MIPEP: variants seen among roughly 807,000 people sequenced by gnomAD.
MIPEP encodes the protein mitochondrial intermediate peptidase.
A neutral mutation model predicts 90.3 loss-of-function variants in MIPEP; 79 were observed. The ratio of observed to expected loss-of-function variants is 0.87; its 90% CI spans 0.73 to 1.05. The LOEUF (loss-of-function observed/expected upper bound fraction) is 1.05. Among genes scored for constraint, MIPEP ranks in the 50% least tolerant of loss-of-function variants. The probability of loss-of-function intolerance (pLI) is 0.00; values close to 1 mark genes in which losing one functional copy is unlikely to be tolerated. For missense variants in MIPEP, 940 were observed against 905.6 expected (o/e 1.04, Z -0.49); for synonymous variants, 334 against 315.8 (o/e 1.06, Z -0.61).
intron 14 of MIPEP, among the ~76,000 whole-genome samples, chr13:23,822,137 T>C (rs1479592712): frequency 6.6e-6 from 1 of 152,164 alleles, no homozygotes; most frequent in Non-Finnish European, 1.5e-5. Context: ...TCGTGGGTGG[T>C]TTTTTAAAAT....
chr13:23,748,266 G>A (rs1165728570), intron 18 of MIPEP, among the ~76,000 whole-genome samples: 1 of 152,166 alleles, frequency 6.6e-6, no homozygotes, highest in South Asian at 2.1e-4. Context: ...TTTGGTATTC[G>A]TGTATTCACT....
At chr13:23,888,782 T>C (rs1871643689) in intron 1 of MIPEP, 4 of 1,060,006 alleles carry the variant, frequency 3.8e-6, no homozygotes, top group Admixed American at 1.1e-4. Flanking sequence ...GCGCTGGAGC[T>C]AAAGGGCTTT....
At chr13:23,869,818 TG>T (rs1870705054) in intron 6 of MIPEP, among the ~76,000 whole-genome samples, 194 bp downstream of exon 6, 1 of 152,250 alleles carries the variant, frequency 6.6e-6, no homozygotes, top group Middle Eastern at 3.2e-3. Flanking sequence ...GAGTCTTGTA[TG>T]AAATATAAGT....
At chr13:23,880,924 T>C (rs1257787507) in intron 3 of MIPEP, among the ~76,000 whole-genome samples, 1 of 152,176 alleles carries the variant, frequency 6.6e-6, no homozygotes, top group Admixed American at 6.5e-5. Context: ...TTCCCTGTTG[T>C]AAATCCACGC....
At chr13:23,745,829 C>T (rs1317201448) in intron 18 of MIPEP, among the ~76,000 whole-genome samples, 1 of 151,510 alleles carries the variant, frequency 6.6e-6, no homozygotes, top group African/African-American at 2.4e-5. Context: ...AGTCAGGAGG[C>T]TGAGGCAGGA....
intron 16 of MIPEP, among the ~76,000 whole-genome samples, chr13:23,798,452 TC>T (rs1952989187): frequency 6.6e-6 from 1 of 152,156 alleles, no homozygotes; most frequent in Admixed American, 6.5e-5. Context: ...TCTGATTATG[TC>T]CCCAATAAGT....
intron 16 of MIPEP, among the ~76,000 whole-genome samples, chr13:23,780,991 A>G (rs1952776534): frequency 6.6e-6 from 1 of 152,220 alleles, no homozygotes; most frequent in South Asian, 2.1e-4. Context: ...GTGTACCTGA[A>G]AGTGACGGGG....
chr13:23,816,433 C>T (rs1441262961), intron 14 of MIPEP, among the ~76,000 whole-genome samples: 1 of 152,158 alleles, frequency 6.6e-6, no homozygotes, highest in African/African-American at 2.4e-5. Context: ...CTGATTCCTT[C>T]CCTAGTTTCA....
chr13:23,779,055 C>T (rs564143293), intron 16 of MIPEP, among the ~76,000 whole-genome samples: 13 of 152,306 alleles, frequency 8.5e-5, no homozygotes, highest in Admixed American at 7.2e-4. Context: ...CACTCTTTAT[C>T]CTGGAATGTT....
chr13:23,773,586 G>A (rs573997110), intron 16 of MIPEP, among the ~76,000 whole-genome samples: 2 of 152,242 alleles, frequency 1.3e-5, no homozygotes, highest in Admixed American at 6.5e-5. Context: ...CACCAGCAAC[G>A]TATGAGGGTT....
At chr13:23,877,987 T>G (rs1871136812) in intron 4 of MIPEP, among the ~76,000 whole-genome samples, 4 of 152,230 alleles carry the variant, frequency 2.6e-5, no homozygotes, top group African/African-American at 9.6e-5. Flanking sequence ...TTTTTAATAA[T>G]ATCTAGAAAT....
At chr13:23,878,596 T>C (rs1871160104) in intron 4 of MIPEP, among the ~76,000 whole-genome samples, 1 of 152,194 alleles carries the variant, frequency 6.6e-6, no homozygotes, top group Admixed American at 6.5e-5. Context: ...GACATACATA[T>C]TATAAGCAGG....
At chr13:23,817,408 T>C (rs1481190315) in intron 14 of MIPEP, among the ~76,000 whole-genome samples, 1 of 152,138 alleles carries the variant, frequency 6.6e-6, no homozygotes, top group East Asian at 1.9e-4. Context: ...TTTCCTCACC[T>C]TAGTAATTTT....
At chr13:23,867,668 G>A (rs1870603020) in intron 7 of MIPEP, among the ~76,000 whole-genome samples, 1 of 152,108 alleles carries the variant, frequency 6.6e-6, no homozygotes, top group Non-Finnish European at 1.5e-5. Flanking sequence ...CATACAGTGG[G>A]CAATCAGTAA....
Position 23,760,135 on chromosome 13 carries a change from A to G in MIPEP, c.1931T>C (p.Met644Thr). Residue 644 changes from methionine to threonine, a missense_variant, in exon 17 of 19, where the codon ATG becomes ACG. Met to Thr is a moderately conservative substitution (Grantham distance 81). Coordinates refer to ENST00000382172, the MANE Select transcript of MIPEP (RefSeq NM_005932.4). ...SYLMSRAVASMVWKECFLQDP... is the reference protein window; with the variant it reads ...SYLMSRAVASTVWKECFLQDP... ...CTGTAGAAAACACTCCTTCCAAACC[A>G]TGGAGGCGACCGCTCTGGACATGAG... 12 of 1,614,176 alleles carry G rather than the reference A, an allele frequency of 7.4e-6. No individual in the cohort carries two copies. Among genetic ancestry groups the G allele is most frequent in the Non-Finnish European group, 1.0e-5 (12 of 1,180,024 alleles).
intron 18 of MIPEP, 143 bp downstream of exon 18, chr13:23,756,402 T>C (rs1260137840): frequency 1.3e-6 from 1 of 793,118 alleles, no homozygotes; most frequent in Non-Finnish European, 2.1e-6. Flanking sequence ...TGATCCACCC[T>C]CCTTGGGGCC....
At chr13:23,734,536 G>C (rs1171104372) in intron 18 of MIPEP, among the ~76,000 whole-genome samples, 1 of 152,162 alleles carries the variant, frequency 6.6e-6, no homozygotes, top group African/African-American at 2.4e-5. Flanking sequence ...TTCTCTGCCT[G>C]GTTCCTCTAG....
rs1566009684 is a variant in MIPEP, at chr13:23,831,388, G to GAGGC, written c.1653+4851_1653+4852insGCCT. Among the ~76,000 whole-genome samples the GAGGC allele has an allele frequency of 1.4e-5, 2 of 145,862 alleles. 1 individual carries two copies. The highest frequency in any genetic ancestry group is 5.1e-5 in the African/African-American group (2 of 39,574). The stretch of plus-strand genomic sequence containing the variant: ...ACAGCCTAGCTTCCCCATGGCGGGG[G>GAGGC]GGGGATGTGGATGGGAATTGCCTTA... On this transcript the variant is annotated intron_variant, in intron 14 of 18. Coordinates refer to ENST00000382172, the MANE Select transcript of MIPEP (RefSeq NM_005932.4).
chr13:23,879,794 G>A (rs947849513), intron 3 of MIPEP, among the ~76,000 whole-genome samples: 1 of 152,158 alleles, frequency 6.6e-6, no homozygotes, highest in Non-Finnish European at 1.5e-5. Flanking sequence ...ACTGCTGTGG[G>A]ACCTTGGACA....
Sources: gnomAD v4.1 joint callset for allele counts (sites outside exome capture counted in the v4.1 genomes callset) on GRCh38, gnomAD v4.1.1 for gene constraint, MANE v1.5 for transcripts, NCBI Gene and HGNC (gene_info 2026-07-23, HGNC 2026-07-21) for gene names.